COL24A1: variants seen among roughly 807,000 people sequenced by gnomAD.
COL24A1 encodes collagen type XXIV alpha 1 chain.
Under a neutral mutation model 253.9 loss-of-function variants are expected in COL24A1, and 224 were observed. The observed-to-expected ratio is 0.88, with a 90% CI of 0.79 to 0.99. The LOEUF (loss-of-function observed/expected upper bound fraction) is 0.99, where lower values mean the gene tolerates loss of function less well. Ranked by LOEUF, COL24A1 falls within the 50% of genes least tolerant of loss-of-function variation. COL24A1 has a pLI of 0.00. For missense variants in COL24A1, 2,131 were observed against 2,068.5 expected, an observed-to-expected ratio of 1.03 and a Z score of -0.59; for synonymous variants, 685 against 673.7, an observed-to-expected ratio of 1.02 and a Z score of -0.26.
chr1:85,833,475 G>A (rs1374468980), intron 43 of COL24A1, among the ~76,000 whole-genome samples: 5 of 152,300 alleles, frequency 3.3e-5, no homozygotes, highest in Admixed American at 1.3e-4. Flanking sequence ...AACAGGTGCT[G>A]GAGAGGATGT....
intron 8 of COL24A1, 24 bp downstream of exon 8, chr1:86,063,691 A>C (rs774323439): frequency 2.0e-6 from 3 of 1,500,676 alleles, no homozygotes. Flanking sequence ...CACATGATAC[A>C]AGTCTTATAA....
chr1:86,028,777 G>A (rs149163216), intron 14 of COL24A1, among the ~76,000 whole-genome samples: 4 of 152,326 alleles, frequency 2.6e-5, no homozygotes, highest in Non-Finnish European at 5.9e-5. Flanking sequence ...GTACTTTTAT[G>A]TGCCAGACAG....
chr1:85,842,132 A>T lies in COL24A1; in HGVS notation c.3517-11T>A. On this transcript the variant is annotated splice_polypyrimidine_tract_variant and intron_variant, in intron 40 of 59. Transcript: ENST00000370571. ...TTGGCCCTGATGGCCCTACGAAAGG[A>T]CAAGTAGACATTTATACATGCTCTA... 1 of 1,612,654 alleles carries T rather than the reference A, an allele frequency of 6.2e-7. No individual in the cohort carries two copies. The highest frequency in any genetic ancestry group is 8.5e-7 in the Non-Finnish European group (1 of 1,178,802).
intron 37 of COL24A1, among the ~76,000 whole-genome samples, chr1:85,863,059 T>C (rs1214508929): frequency 6.6e-6 from 1 of 152,212 alleles, no homozygotes; most frequent in African/African-American, 2.4e-5. Flanking sequence ...TTTCTAGATA[T>C]TTGATTATCT....
intron 59 of COL24A1, among the ~76,000 whole-genome samples, chr1:85,733,771 A>T (rs1267795512): frequency 4.1e-5 from 6 of 147,794 alleles, no homozygotes; most frequent in African/African-American, 1.5e-4. Context: ...GTAGAGACGG[A>T]GTTTCTCCAT....
chr1:85,747,197 C>T (rs753838604), intron 55 of COL24A1, among the ~76,000 whole-genome samples: 8 of 150,228 alleles, frequency 5.3e-5, no homozygotes, highest in Non-Finnish European at 1.0e-4. Flanking sequence ...CTGCAACCTC[C>T]GCTTCCCAGG....
rs111299794 is a variant in COL24A1 at position 85,813,796 on chromosome 1, C to T, written c.3951+2992G>A. On this transcript the variant is annotated intron_variant, in intron 47 of 59. Transcript: ENST00000370571. ...TCGATCTCCTGACCTCGTGATCCGC[C>T]CGCCTCGGCCTCCCAAAGTGCTGGG... Among the ~76,000 whole-genome samples, 985 of 152,052 alleles carry T rather than the reference C, an allele frequency of 6.5e-3. 8 individuals carry two copies. The highest frequency in any genetic ancestry group is 0.019 in the Admixed American group (287 of 15,288).
At chr1:86,110,209 A>G (rs1228526959) in intron 5 of COL24A1, among the ~76,000 whole-genome samples, 2 of 151,638 alleles carry the variant, frequency 1.3e-5, no homozygotes, top group East Asian at 1.9e-4. Context: ...TATATACACA[A>G]TGGAAATGGG....
chr1:85,925,350 A>G (rs1012769738), intron 24 of COL24A1, among the ~76,000 whole-genome samples: 2 of 152,224 alleles, frequency 1.3e-5, no homozygotes, highest in Admixed American at 1.3e-4. Context: ...ACCAAAAAAG[A>G]GCCCGCATTG....
At chr1:85,820,562 A>C (rs1248836971) in intron 45 of COL24A1, among the ~76,000 whole-genome samples, 1 of 152,168 alleles carries the variant, frequency 6.6e-6, no homozygotes, top group East Asian at 1.9e-4. Context: ...ATTTCAGGGG[A>C]CACTAGTGTG....
At chr1:86,033,202 A>C (rs753900602) in intron 13 of COL24A1, among the ~76,000 whole-genome samples, 38 of 152,174 alleles carry the variant, frequency 2.5e-4, no homozygotes, top group Non-Finnish European at 4.7e-4. Context: ...TGATTTACTT[A>C]CGTGTAATTA....
chr1:85,785,025 C>T (rs971665116), intron 48 of COL24A1, among the ~76,000 whole-genome samples: 5 of 152,138 alleles, frequency 3.3e-5, no homozygotes, highest in African/African-American at 1.2e-4. Flanking sequence ...GCCACTGTGC[C>T]TGGCCAGAAC....
chr1:85,924,342 C>G (rs546030285), intron 24 of COL24A1, among the ~76,000 whole-genome samples: 1 of 152,116 alleles, frequency 6.6e-6, no homozygotes, highest in Non-Finnish European at 1.5e-5. Flanking sequence ...CATCCTGATA[C>G]GAAAGCCTGG....
At chr1:85,741,294 T>C (rs6576788) in intron 57 of COL24A1, among the ~76,000 whole-genome samples, 135,208 of 151,900 alleles carry the variant, frequency 0.89, 60,952 homozygotes, top group Non-Finnish European at 0.97. Context: ...GTTTGGTTGT[T>C]GATTGTGTGC....
intron 3 of COL24A1, among the ~76,000 whole-genome samples, chr1:86,121,430 A>C (rs1647328520): frequency 6.6e-6 from 1 of 152,146 alleles, no homozygotes; most frequent in Non-Finnish European, 1.5e-5. Flanking sequence ...AAGAGGAATT[A>C]CTCCATACAA....
intron 1 of COL24A1, chr1:86,156,102 G>C (rs929326727): frequency 1.3e-5 from 5 of 393,334 alleles, no homozygotes; most frequent in Non-Finnish European, 2.3e-5. Context: ...TTTTCCTCTC[G>C]AGCCAAAAGA....
chr1:86,116,550 G>T (rs1108309), intron 3 of COL24A1, among the ~76,000 whole-genome samples: 4 of 151,952 alleles, frequency 2.6e-5, no homozygotes, highest in South Asian at 2.1e-4. Flanking sequence ...AAGGAGGAGA[G>T]GGAAAATGGA....
chr1:85,892,937 C>A (rs1683276020), intron 31 of COL24A1, among the ~76,000 whole-genome samples: 1 of 151,876 alleles, frequency 6.6e-6, no homozygotes, highest in Non-Finnish European at 1.5e-5. Context: ...AGACATTGAA[C>A]AATAACAATA....
chr1:86,041,824 T>C (rs561980601), intron 12 of COL24A1, among the ~76,000 whole-genome samples: 1 of 152,180 alleles, frequency 6.6e-6, no homozygotes, highest in African/African-American at 2.4e-5. Context: ...TCCTGACCAA[T>C]AAAGGTTGTC....
Sources: gnomAD v4.1 joint callset for allele counts (sites outside exome capture counted in the v4.1 genomes callset) on GRCh38, gnomAD v4.1.1 for gene constraint, MANE v1.5 for transcripts, NCBI Gene and HGNC (gene_info 2026-07-23, HGNC 2026-07-21) for gene names.